Variants in RAD51B observed in about 807,000 individuals in gnomAD.
RAD51B encodes the protein RAD51 paralog B.
In RAD51B, 38 loss-of-function variants were observed where a neutral mutation model predicts 42.2. The ratio of observed to expected loss-of-function variants is 0.90; its 90% CI spans 0.70 to 1.18. RAD51B has a LOEUF of 1.18. Among genes scored for constraint, RAD51B ranks in the 50% most tolerant of loss-of-function variants. The pLI is 0.00. For missense variants in RAD51B, 373 were observed against 400.7 expected (o/e 0.93, Z 0.59); for synonymous variants, 154 against 145.2 (o/e 1.06, Z -0.43).
At chr14:67,857,529 A>T (rs1330956821) in intron 4 of RAD51B, among the ~76,000 whole-genome samples, 1 of 152,226 alleles carries the variant, frequency 6.6e-6, no homozygotes, top group Non-Finnish European at 1.5e-5. Context: ...GGTACTTGAT[A>T]CTTCACTGAA....
intron 10 of RAD51B, among the ~76,000 whole-genome samples, chr14:68,629,030 C>G (rs1892162793): frequency 1.3e-5 from 2 of 152,174 alleles, no homozygotes; most frequent in Admixed American, 6.5e-5. Context: ...GTTCGGGGCT[C>G]GAGAGACGGC....
chr14:68,540,125 T>C (rs1887875819), intron 10 of RAD51B: 8 of 960,428 alleles, frequency 8.3e-6, no homozygotes, highest in Non-Finnish European at 1.0e-5. Context: ...GCTCAGCCCC[T>C]TCCAAATGCC....
chr14:68,181,645 G>T (rs993501321), intron 7 of RAD51B, among the ~76,000 whole-genome samples: 4 of 152,196 alleles, frequency 2.6e-5, no homozygotes, highest in African/African-American at 9.7e-5. Flanking sequence ...TCCCTCAGAT[G>T]TAAAAGGAGA....
At position 68,177,675 on chromosome 14, in the gene RAD51B, T is replaced by A. The variant is rs554322369; in HGVS notation, c.757-114209T>A. Among the ~76,000 whole-genome samples, 26 of 152,122 alleles carry A rather than the reference T, an allele frequency of 1.7e-4. No individual in the cohort carries two copies. The South Asian group carries it at 3.3e-3, about 19-fold the overall frequency. On this transcript the variant is annotated intron_variant, in intron 7 of 10. Transcript: ENST00000471583. Reference sequence around the variant, plus strand: ...AAGAAGCAATTAAGTTTTTTTTTTTTAAATTAGCCTAAGCTCCTGGAAACA... The same window carrying A: ...AAGAAGCAATTAAGTTTTTTTTTTTAAAATTAGCCTAAGCTCCTGGAAACA...
At chr14:68,169,422 T>C (rs558933335) in intron 7 of RAD51B, among the ~76,000 whole-genome samples, 1 of 152,354 alleles carries the variant, frequency 6.6e-6, no homozygotes, top group African/African-American at 2.4e-5. Flanking sequence ...TAGTCTATTA[T>C]TGGTCACTAA....
intron 5 of RAD51B, among the ~76,000 whole-genome samples, chr14:67,866,265 T>TA (rs1040893484): frequency 1.3e-4 from 20 of 152,062 alleles, no homozygotes; most frequent in South Asian, 1.0e-3. Flanking sequence ...AATAAATGGT[T>TA]AAAAAAAAGA....
rs952256128 is a variant in RAD51B, at chr14:68,302,734, G to A, written c.853+10754G>A. On this transcript the variant is annotated intron_variant, in intron 8 of 10. Coordinates refer to ENST00000471583, the MANE Select transcript of RAD51B (RefSeq NM_133510.4). ...ACTAAAAGTATCCCTTATGGGAAAC[G>A]AAGGGATGGGCCAAATTAAAGGAAT... 2.0e-5 allele frequency among the ~76,000 whole-genome samples: 3 copies of A among 152,320 alleles called. No homozygotes were observed. In the East Asian group the frequency reaches 5.8e-4, roughly 29 times the overall value.
intron 7 of RAD51B, among the ~76,000 whole-genome samples, chr14:68,169,393 T>C (rs1045755651): frequency 1.3e-5 from 2 of 152,216 alleles, no homozygotes; most frequent in Non-Finnish European, 2.9e-5. Context: ...AGTCTTCTTA[T>C]TGATGATTAT....
At chr14:68,151,618 G>A (rs904898886) in intron 7 of RAD51B, among the ~76,000 whole-genome samples, 13 of 151,838 alleles carry the variant, frequency 8.6e-5, no homozygotes, top group African/African-American at 3.1e-4. Context: ...TTTTTTGTGT[G>A]TGTGTGTGTG....
intron 10 of RAD51B, among the ~76,000 whole-genome samples, chr14:68,484,315 T>G (rs999753922): frequency 6.6e-6 from 1 of 152,086 alleles, no homozygotes; most frequent in Non-Finnish European, 1.5e-5. Context: ...TGCATGAAAC[T>G]TGTACAAACT....
intron 10 of RAD51B, 76 bp downstream of exon 10, chr14:68,468,326 G>T (rs765986131): frequency 1.4e-6 from 2 of 1,413,176 alleles, no homozygotes; most frequent in South Asian, 2.3e-5. Context: ...TTAGTGCTAT[G>T]GTTCTGATAG....
intron 7 of RAD51B, among the ~76,000 whole-genome samples, chr14:67,986,471 C>A (rs1227150334): frequency 1.3e-5 from 2 of 152,094 alleles, no homozygotes; most frequent in Non-Finnish European, 2.9e-5. Context: ...TGTGTAATTT[C>A]TTTTCATCAT....
intron 10 of RAD51B, among the ~76,000 whole-genome samples, chr14:68,490,828 G>C (rs1026239907): frequency 6.6e-6 from 1 of 152,172 alleles, no homozygotes; most frequent in African/African-American, 2.4e-5. Flanking sequence ...CTGCAGGAAG[G>C]ACAGCAGAGA....
Position 68,434,972 on chromosome 14 carries a change from A to G in RAD51B, c.957+23445A>G, listed in dbSNP as rs114361137. On this transcript the variant is annotated intron_variant, in intron 9 of 10. Transcript: ENST00000471583. Reference sequence around the variant, plus strand: ...CTTGGCTATTGTAAATAATGCTACAATGAACATGGGTGTGCTGATATCTCT... The same window carrying G: ...CTTGGCTATTGTAAATAATGCTACAGTGAACATGGGTGTGCTGATATCTCT... 7.3e-3 allele frequency among the ~76,000 whole-genome samples: 1,118 copies of G among 152,328 alleles called. 9 individuals are homozygous for G. The highest frequency in any genetic ancestry group is 0.025 in the African/African-American group (1,058 of 41,570).
intron 10 of RAD51B, among the ~76,000 whole-genome samples, chr14:68,624,998 A>G (rs1187668688): frequency 6.6e-6 from 1 of 152,014 alleles, no homozygotes; most frequent in East Asian, 1.9e-4. Context: ...GAGATGAAGA[A>G]CTGTTACTGT....
intron 8 of RAD51B, among the ~76,000 whole-genome samples, chr14:68,377,942 A>G (rs962071177): frequency 4.6e-5 from 7 of 152,238 alleles, no homozygotes; most frequent in African/African-American, 4.8e-5. Context: ...CATAAAGACA[A>G]TACTTTGCAA....
intron 8 of RAD51B, among the ~76,000 whole-genome samples, chr14:68,356,368 G>C (rs939660189): frequency 1.3e-5 from 2 of 150,542 alleles, no homozygotes; most frequent in Non-Finnish European, 3.0e-5. Flanking sequence ...CCAGGAGGCG[G>C]AGCTTGCAGT....
intron 10 of RAD51B, chr14:68,562,738 G>A (rs1889219235): frequency 1.0e-6 from 1 of 985,236 alleles, no homozygotes; most frequent in Non-Finnish European, 1.2e-6. Flanking sequence ...CATCCCCCTG[G>A]TGCCCTCATC....
intron 11 of RAD51B, among the ~76,000 whole-genome samples, chr14:68,664,544 CT>C (rs1237836246): frequency 6.6e-6 from 1 of 152,168 alleles, no homozygotes; most frequent in Non-Finnish European, 1.5e-5. Flanking sequence ...GATCTGGGCC[CT>C]GTGAAAGCTG....
Sources: gnomAD v4.1 joint callset for allele counts (sites outside exome capture counted in the v4.1 genomes callset) on GRCh38, gnomAD v4.1.1 for gene constraint, MANE v1.5 for transcripts, NCBI Gene and HGNC (gene_info 2026-07-23, HGNC 2026-07-21) for gene names.